NRCAM: variants seen among roughly 807,000 people sequenced by gnomAD.
NRCAM encodes the protein NgCAM-related cell adhesion molecule.
A neutral mutation model predicts 156.5 loss-of-function variants in NRCAM; 83 were observed. The observed-to-expected ratio is 0.53, with a 90% CI of 0.44 to 0.64. The LOEUF is 0.64. Among genes scored for constraint, NRCAM ranks in the 30% least tolerant of loss-of-function variants. NRCAM has a pLI of 0.00. For synonymous variants in NRCAM, 538 were observed against 563.9 expected (o/e 0.95, Z 0.65); for missense variants, 1,417 against 1,597.3 (o/e 0.89, Z 1.92).
At chr7:108,420,524 G>T in intron 1 of NRCAM, among the ~76,000 whole-genome samples, 1 of 152,126 alleles carries the variant, frequency 6.6e-6, no homozygotes, top group East Asian at 1.9e-4. Context: ...CTTTACAAGG[G>T]GGGGAGTTTC....
chr7:108,216,778 C>T (rs1420143221), intron 11 of NRCAM, among the ~76,000 whole-genome samples: 1 of 152,166 alleles, frequency 6.6e-6, no homozygotes, highest in Non-Finnish European at 1.5e-5. Flanking sequence ...CATTTATGTT[C>T]TTCTCTAAAC....
intron 17 of NRCAM, among the ~76,000 whole-genome samples, chr7:108,193,012 T>C (rs563338187): frequency 1.3e-5 from 2 of 152,248 alleles, no homozygotes; most frequent in East Asian, 3.9e-4. Flanking sequence ...AACCTGATGG[T>C]CATTTCTTTA....
At chr7:108,282,876 C>A (rs953188535) in intron 3 of NRCAM, among the ~76,000 whole-genome samples, 9 of 152,198 alleles carry the variant, frequency 5.9e-5, no homozygotes, top group African/African-American at 2.2e-4. Flanking sequence ...ACACTAGAGC[C>A]GCCTGGGGAG....
rs147526682 is a variant in NRCAM at position 108,390,259 on chromosome 7, A to G, written c.-174+9177T>C. Reference sequence around the variant, plus strand: ...TGTTATTGGTCTATTCAGGGATTCAACTTCTTCCTGGTTTAGTCTTGGGAG... The same window carrying G: ...TGTTATTGGTCTATTCAGGGATTCAGCTTCTTCCTGGTTTAGTCTTGGGAG... On this transcript the variant is annotated intron_variant, in intron 2 of 32. Transcript: ENST00000379028. Among the ~76,000 whole-genome samples, 881 of 152,232 alleles carry G rather than the reference A, an allele frequency of 5.8e-3. 12 individuals carry two copies. Among genetic ancestry groups the G allele is most frequent in the African/African-American group, 0.02 (851 of 41,528 alleles).
intron 1 of NRCAM, among the ~76,000 whole-genome samples, chr7:108,411,040 A>G (rs1794776506): frequency 6.6e-6 from 1 of 152,148 alleles, no homozygotes; most frequent in Admixed American, 6.5e-5. Flanking sequence ...TGAATTGATT[A>G]TATTCTAATT....
chr7:108,151,642 C>T (rs2041710153), intron 32 of NRCAM, among the ~76,000 whole-genome samples: 1 of 152,174 alleles, frequency 6.6e-6, no homozygotes, highest in South Asian at 2.1e-4. Flanking sequence ...ATTTTCACCA[C>T]TGCTAATAAA....
Position 108,149,596 on chromosome 7 carries a change from T to C in NRCAM, c.*314A>G. 6.4e-6 allele frequency: 2 copies of C among 311,226 alleles called. No homozygotes were observed. Among genetic ancestry groups the C allele is most frequent in the Admixed American group, 4.6e-5 (1 of 21,968 alleles). The allele number at this position is 311,226 out of a possible 1,614,324, so 19.3% of individuals were successfully genotyped here. On this transcript the variant is annotated 3_prime_UTR_variant, in exon 33 of 33. Coordinates refer to ENST00000379028, the MANE Select transcript of NRCAM (RefSeq NM_001037132.4). ...GGGTATGTCCTTTAAATGTGGAGCA[T>C]TTTTCATGCATCATATTGAACTGTA... is the stretch of plus-strand genomic sequence containing the variant.
Position 108,234,661 on chromosome 7 carries a change from T to C in NRCAM, c.152A>G (p.Gln51Arg). The change falls in exon 6 of 33, where the codon CAG becomes CGG. Residue 51 changes from glutamine to arginine, a missense_variant. Physicochemically the swap from Gln to Arg is conservative, Grantham distance 43 (BLOSUM62 1). Coordinates refer to ENST00000379028, the MANE Select transcript of NRCAM (RefSeq NM_001037132.4). Reference sequence around the variant, plus strand: ...GTCAATAATGTAATCTTTTGGAGACTGTTGGGTGATGGTTGGAGGCTGTAC... The same window carrying C: ...GTCAATAATGTAATCTTTTGGAGACCGTTGGGTGATGGTTGGAGGCTGTAC... Reference protein sequence around the residue: ...DLVQPPTITQQSPKDYIIDPR... With the variant: ...DLVQPPTITQRSPKDYIIDPR... 1 of 1,611,784 alleles carries C rather than the reference T, an allele frequency of 6.2e-7. No homozygotes were observed. Among genetic ancestry groups the C allele is most frequent in the Non-Finnish European group, 8.5e-7 (1 of 1,178,290 alleles).
intron 24 of NRCAM, 29 bp downstream of exon 24, chr7:108,181,793 A>G: frequency 6.6e-7 from 1 of 1,512,752 alleles, no homozygotes; most frequent in South Asian, 1.1e-5. Flanking sequence ...CTTACTAAAT[A>G]AAGCCACAAA....
rs76772261 is a variant in NRCAM, at chr7:108,151,986, T to C, written c.3678-1839A>G. 3.7e-3 allele frequency among the ~76,000 whole-genome samples: 556 copies of C among 152,256 alleles called. 22 individuals are homozygous for C. The East Asian group carries it at 0.096, about 26-fold the overall frequency. Reference sequence around the variant, plus strand: ...TCCACCCATGCCTTCATCCAATAAATGTTTATTGAGTGACTACTCTAAGAT... The same window carrying C: ...TCCACCCATGCCTTCATCCAATAAACGTTTATTGAGTGACTACTCTAAGAT... On this transcript the variant is annotated intron_variant, in intron 32 of 32. Transcript: ENST00000379028.
intron 2 of NRCAM, among the ~76,000 whole-genome samples, chr7:108,374,316 C>A (rs1481895566): frequency 3.9e-5 from 6 of 152,036 alleles, no homozygotes; most frequent in Admixed American, 3.9e-4. Flanking sequence ...GATAACTGAA[C>A]AAAATCTAGT....
intron 3 of NRCAM, among the ~76,000 whole-genome samples, chr7:108,271,213 C>T (rs2097333579): frequency 6.6e-6 from 1 of 152,244 alleles, no homozygotes; most frequent in East Asian, 1.9e-4. Flanking sequence ...ATTACGGTTT[C>T]CAAATGTAAC....
At chr7:108,209,742 C>A (rs943643697) in intron 11 of NRCAM, 137 bp from the exon 12 acceptor site, 3 of 643,352 alleles carry the variant, frequency 4.7e-6, no homozygotes, top group East Asian at 2.9e-5. Context: ...TTAATTAGCA[C>A]CACACTTTTA....
At chr7:108,161,281 T>C (rs2048774104) in intron 30 of NRCAM, among the ~76,000 whole-genome samples, 2 of 152,254 alleles carry the variant, frequency 1.3e-5, no homozygotes, top group Non-Finnish European at 2.9e-5. Context: ...GGTGTATACA[T>C]ATCCTTTCAG....
At chr7:108,263,105 G>A (rs967714217) in intron 3 of NRCAM, among the ~76,000 whole-genome samples, 1 of 152,196 alleles carries the variant, frequency 6.6e-6, no homozygotes, top group Non-Finnish European at 1.5e-5. Flanking sequence ...TGGTTAGAGT[G>A]AGTGTCTCAT....
rs2042499189 is a variant in NRCAM, at chr7:108,152,736, C to T, written c.3678-2589G>A. Among the ~76,000 whole-genome samples the T allele has an allele frequency of 2.6e-5, 4 of 152,138 alleles. No homozygotes were observed. In the South Asian group the frequency reaches 6.2e-4, roughly 24 times the overall value. On this transcript the variant is annotated intron_variant, in intron 32 of 32. Transcript: ENST00000379028. ...AATTGCAGAGTTGCAGCAGAGACCG[C>T]GCGGCCTGTAAAGTCTAAAATATTT...
chr7:108,275,020 G>A (rs578075501), intron 3 of NRCAM, among the ~76,000 whole-genome samples: 8 of 152,306 alleles, frequency 5.3e-5, no homozygotes, highest in South Asian at 4.1e-4. Context: ...CACTGGTTCT[G>A]TTTATGTGAT....
At chr7:108,245,706 A>T (rs183625691) in intron 3 of NRCAM, among the ~76,000 whole-genome samples, 35 of 152,352 alleles carry the variant, frequency 2.3e-4, no homozygotes, top group African/African-American at 8.4e-4. Flanking sequence ...AAATATATTA[A>T]GCAATAATTT....
At chr7:108,281,311 C>G (rs2097851011) in intron 3 of NRCAM, among the ~76,000 whole-genome samples, 1 of 152,000 alleles carries the variant, frequency 6.6e-6, no homozygotes, top group Non-Finnish European at 1.5e-5. Flanking sequence ...TTAATATATT[C>G]TTTTTTAATC....
Sources: gnomAD v4.1 joint callset for allele counts (sites outside exome capture counted in the v4.1 genomes callset) on GRCh38, gnomAD v4.1.1 for gene constraint, MANE v1.5 for transcripts, NCBI Gene and HGNC (gene_info 2026-07-23, HGNC 2026-07-21) for gene names.